The following PCDHGA3 variants were observed in gnomAD, a reference collection of about 807,000 sequenced individuals.
PCDHGA3 encodes the protein protocadherin gamma subfamily A, 3.
PCDHGA3 carries 40 observed loss-of-function variants against 58.5 expected under a neutral mutation model. The observed-to-expected ratio is 0.68, with a 90% CI of 0.53 to 0.89. The LOEUF (loss-of-function observed/expected upper bound fraction) is 0.89. PCDHGA3 is among the 40% of genes least tolerant of loss of function. The pLI, the probability that PCDHGA3 is intolerant of heterozygous loss-of-function variation, is 0.00. For synonymous variants in PCDHGA3, 530 were observed against 525.7 expected, an observed-to-expected ratio of 1.01 and a Z score of -0.11; for missense variants, 1,223 against 1,195.9, an observed-to-expected ratio of 1.02 and a Z score of -0.33.
At chr5:141,354,470 G>A (rs1446177530) in intron 1 of PCDHGA3, among the ~76,000 whole-genome samples, 1 of 152,216 alleles carries the variant, frequency 6.6e-6, no homozygotes, top group Non-Finnish European at 1.5e-5. Flanking sequence ...CATTTGTACA[G>A]GGTAAGGCTA....
rs17097234 is a variant in PCDHGA3, at chr5:141,362,611, G to A, written c.2424+16154G>A. The A allele has an allele frequency of 3.3e-3, 5,121 of 1,555,416 alleles. 139 individuals are homozygous for A. The African/African-American group carries it at 0.064, about 19-fold the overall frequency. On this transcript the variant is annotated intron_variant, in intron 1 of 3. Coordinates refer to ENST00000253812, the MANE Select transcript of PCDHGA3 (RefSeq NM_018916.4). ...TGGTTTTATTGTTTCACCTAATTTG[G>A]GTAGGAAGTTCCACTGCGTATTTCT...
In PCDHGA3 at chr5:141,344,630, C is replaced by A. The variant is rs372984587; in HGVS notation, c.597C>A (p.Ala199=). 4.6e-5 allele frequency: 74 copies of A among 1,613,862 alleles called. 1 individual carries two copies. The South Asian group carries it at 7.7e-4, about 17-fold the overall frequency. Residue 199 remains alanine (A), a synonymous_variant, in exon 1 of 4, where the codon GCC becomes GCA. Coordinates refer to ENST00000253812, the MANE Select transcript of PCDHGA3 (RefSeq NM_018916.4). ...ATCCAGAGCTGGTGCTGGAGCGGGCCCTGGACCGTGAGAAAAAAGAAATTC... is the reference window on the plus strand; with the variant it reads ...ATCCAGAGCTGGTGCTGGAGCGGGCACTGGACCGTGAGAAAAAAGAAATTC... ...AKYPELVLER[A]LDREKKEIHQ...
chr5:141,395,437 G>A lies in PCDHGA3; in HGVS notation c.2424+48980G>A, dbSNP rs973609255. On this transcript the variant is annotated intron_variant, in intron 1 of 3. Coordinates refer to ENST00000253812, the MANE Select transcript of PCDHGA3 (RefSeq NM_018916.4). ...TGTTTCATTTGCTTTTAAACGACTT[G>A]GAAAAGATTGTTCAACCATTTTAAG... 5.2e-5 allele frequency: 35 copies of A among 668,254 alleles called. No homozygotes were observed. The African/African-American group carries it at 6.1e-4, about 12-fold the overall frequency. 41.4% of individuals were successfully genotyped at this position (668,254 alleles called of 1,614,324 possible).
Position 141,486,697 on chromosome 5 carries a change from C to G in PCDHGA3, c.2425-8110C>G. 1 of 1,614,176 alleles carries G rather than the reference C, an allele frequency of 6.2e-7. No individual in the cohort carries two copies. The highest frequency in any genetic ancestry group is 8.5e-7 in the Non-Finnish European group (1 of 1,180,032). ...GAGATGTATCAGCTTCCTCTTTCATCTCTCTGAACCCCCAGACAGGAGCTG... is the reference window on the plus strand; with the variant it reads ...GAGATGTATCAGCTTCCTCTTTCATGTCTCTGAACCCCCAGACAGGAGCTG... On this transcript the variant is annotated intron_variant, in intron 1 of 3. Coordinates refer to ENST00000253812, the MANE Select transcript of PCDHGA3 (RefSeq NM_018916.4). The surrounding 1 kb of genome is among the most constrained non-coding windows in gnomAD (Gnocchi z 5.0).
chr5:141,477,296 G>C lies in PCDHGA3; in HGVS notation c.2425-17511G>C. On this transcript the variant is annotated intron_variant, in intron 1 of 3. Transcript: ENST00000253812. This position sits in a 1 kb window ranked among gnomAD's most constrained non-coding sequence, Gnocchi z 4.9. ...GCTGGTGACCTGCGAAGTTCCACCG[G>C]GTCTCCCTTTCAGCCTTACTTCTTC... 3 of 1,614,064 alleles carry C rather than the reference G, an allele frequency of 1.9e-6. No individual in the cohort carries two copies. Among genetic ancestry groups the C allele is most frequent in the African/African-American group, 1.3e-5 (1 of 75,014 alleles).
At chr5:141,439,151 C>T (rs563575567) in intron 1 of PCDHGA3, among the ~76,000 whole-genome samples, 1 of 150,892 alleles carries the variant, frequency 6.6e-6, no homozygotes, top group Admixed American at 6.6e-5. Context: ...TGAGATCACG[C>T]CACTGCACTC....
chr5:141,460,792 A>T (rs1028557260), intron 1 of PCDHGA3, among the ~76,000 whole-genome samples: 30 of 152,012 alleles, frequency 2.0e-4, no homozygotes, highest in Non-Finnish European at 2.9e-5. Context: ...ATATACACAC[A>T]AAGTATATAT....
At chr5:141,361,527 C>G in intron 1 of PCDHGA3, 1 of 1,614,060 alleles carries the variant, frequency 6.2e-7, no homozygotes, top group Non-Finnish European at 8.5e-7. Context: ...TGGCAGAGAA[C>G]AATCCTCCTG....
intron 1 of PCDHGA3, among the ~76,000 whole-genome samples, chr5:141,433,395 CTA>C (rs1426636882): frequency 1.1e-4 from 17 of 150,770 alleles, no homozygotes; most frequent in African/African-American, 4.1e-4. Flanking sequence ...ATCTATCTAT[CTA>C]TCTATCTATT....
At chr5:141,415,476 G>C in intron 1 of PCDHGA3, 1 of 1,614,194 alleles carries the variant, frequency 6.2e-7, no homozygotes, top group Non-Finnish European at 8.5e-7. Context: ...CCGCGGACTC[G>C]CGAAAGAGTC....
At chr5:141,418,163 T>G in intron 1 of PCDHGA3, 1 of 1,614,002 alleles carries the variant, frequency 6.2e-7, no homozygotes, top group Non-Finnish European at 8.5e-7. Context: ...GAGAAGAAGA[T>G]GTGAGTTGCA....
chr5:141,384,797 T>C (rs766396351), intron 1 of PCDHGA3: 13 of 1,613,368 alleles, frequency 8.1e-6, no homozygotes, highest in Non-Finnish European at 1.1e-5. Context: ...CGGGCCCTGC[T>C]GGACAGAGAT....
chr5:141,485,674 T>C lies in PCDHGA3; in HGVS notation c.2425-9133T>C. 1 of 1,612,986 alleles carries C rather than the reference T, an allele frequency of 6.2e-7. No homozygotes were observed. Among genetic ancestry groups the C allele is most frequent in the South Asian group, 1.1e-5 (1 of 91,072 alleles). Reference sequence around the variant, plus strand: ...ATGCAGATGTGGGGAGCAATTCGATTAGCAGCTATAGGCTGAGCTCCAATG... The same window carrying C: ...ATGCAGATGTGGGGAGCAATTCGATCAGCAGCTATAGGCTGAGCTCCAATG... On this transcript the variant is annotated intron_variant, in intron 1 of 3. Transcript: ENST00000253812. This position sits in a 1 kb window ranked among gnomAD's most constrained non-coding sequence, Gnocchi z 5.7.
Position 141,390,134 on chromosome 5 carries a change from C to T in PCDHGA3, c.2424+43677C>T, listed in dbSNP as rs758087998. ...GCGAGGGGACTTTGCCTTATTCCTACAATCTATGTGTTGCACATACAGGAA... is the reference window on the plus strand; with the variant it reads ...GCGAGGGGACTTTGCCTTATTCCTATAATCTATGTGTTGCACATACAGGAA... On this transcript the variant is annotated intron_variant, in intron 1 of 3. Coordinates refer to ENST00000253812, the MANE Select transcript of PCDHGA3 (RefSeq NM_018916.4). The T allele has an allele frequency of 1.2e-5, 20 of 1,613,930 alleles. No homozygotes were observed. The Admixed American group carries it at 1.8e-4, about 15-fold the overall frequency.
chr5:141,364,800 C>G (rs2149865831), intron 1 of PCDHGA3: 12 of 1,613,952 alleles, frequency 7.4e-6, no homozygotes, highest in Non-Finnish European at 1.0e-5. Context: ...CTTCCCTTCG[C>G]GCGGGATGCG....
chr5:141,347,104 T>C (rs1483718099), intron 1 of PCDHGA3, among the ~76,000 whole-genome samples: 5 of 151,012 alleles, frequency 3.3e-5, no homozygotes, highest in Non-Finnish European at 7.4e-5. Flanking sequence ...CCTTCCTCTC[T>C]CTCTTTCCTC....
chr5:141,400,030 C>G (rs201599536), intron 1 of PCDHGA3: 3 of 1,613,050 alleles, frequency 1.9e-6, no homozygotes, highest in Non-Finnish European at 2.5e-6. Flanking sequence ...GGACGCGGCC[C>G]GCCAGCGCCT....
chr5:141,404,129 A>G (rs753217773), intron 1 of PCDHGA3: 6 of 1,613,162 alleles, frequency 3.7e-6, no homozygotes, highest in Non-Finnish European at 5.1e-6. Context: ...TCTATCTTTT[A>G]CATTAGAAAA....
intron 1 of PCDHGA3, chr5:141,365,890 C>G (rs780121604): frequency 6.2e-7 from 1 of 1,614,022 alleles, no homozygotes; most frequent in East Asian, 2.2e-5. Flanking sequence ...TGAGATCCTT[C>G]GACTATGAGC....
Sources: allele counts gnomAD v4.1 joint callset (sites outside exome capture counted in the v4.1 genomes callset), GRCh38; gene constraint gnomAD v4.1.1; non-coding constraint Gnocchi (gnomAD v3.1); transcripts MANE v1.5; gene names NCBI Gene and HGNC (gene_info 2026-07-23, HGNC 2026-07-21).